Variants in KCTD19 observed in about 807,000 individuals in gnomAD.
KCTD19 encodes the protein BTB/POZ domain-containing protein KCTD19.
In KCTD19, 67 loss-of-function variants were observed where a neutral mutation model predicts 103.5. That is an observed-to-expected ratio of 0.65 (90% CI 0.53 to 0.79). The LOEUF is 0.79. Among genes scored for constraint, KCTD19 ranks in the 30% least tolerant of loss-of-function variants. The pLI, the probability that KCTD19 is intolerant of heterozygous loss-of-function variation, is 0.00. For missense variants in KCTD19, 980 were observed against 1,136.1 expected (o/e 0.86, Z 1.98); for synonymous variants, 439 against 452.2 (o/e 0.97, Z 0.37).
At chr16:67,317,836 G>A (rs2037029042) in intron 2 of KCTD19, among the ~76,000 whole-genome samples, 1 of 152,166 alleles carries the variant, frequency 6.6e-6, no homozygotes, top group South Asian at 2.1e-4. Context: ...CTGGAACCCA[G>A]AATGCTCTTC....
chr16:67,292,032 C>G (rs535965671), intron 12 of KCTD19, among the ~76,000 whole-genome samples, 195 bp from the exon 13 acceptor site: 3 of 152,262 alleles, frequency 2.0e-5, no homozygotes, highest in African/African-American at 7.2e-5. Context: ...TGCCACCACG[C>G]CCGGCTAATT....
chr16:67,301,525 GCTC>G (rs2036833969), intron 5 of KCTD19: 1 of 305,308 alleles, frequency 3.3e-6, no homozygotes, highest in African/African-American at 2.2e-5. Context: ...CCCAGGCTGG[GCTC>G]CTCCTGATCC....
In KCTD19 at chr16:67,289,545, T is replaced by A. The variant is rs374179662; in HGVS notation, c.*24A>T. 3 of 1,449,186 alleles carry A rather than the reference T, an allele frequency of 2.1e-6. No individual in the cohort carries two copies. In the East Asian group the frequency reaches 6.8e-5, roughly 33 times the overall value. The allele number at this position is 1,449,186 out of a possible 1,614,324, so 89.8% of individuals were successfully genotyped here. A position where few individuals can be genotyped will look rare whatever the true frequency, so the allele number is the denominator to read the frequency against. On this transcript the variant is annotated 3_prime_UTR_variant, in exon 16 of 16. Transcript: ENST00000304372. ...AAAATGAGACTTGGCGGGTGGGGCA[T>A]GAGGGGCTGCATCTCTGGGCACCCT...
At chr16:67,294,845 C>T in intron 10 of KCTD19, 128 bp downstream of exon 10, 2 of 953,942 alleles carry the variant, frequency 2.1e-6, no homozygotes, top group Non-Finnish European at 3.3e-6. Flanking sequence ...CTGGCCAATC[C>T]TGGGCCTGCT....
chr16:67,324,940 C>G (rs1171069511), intron 1 of KCTD19, among the ~76,000 whole-genome samples: 1 of 152,142 alleles, frequency 6.6e-6, no homozygotes, highest in Non-Finnish European at 1.5e-5. Flanking sequence ...CTTCTAAAAG[C>G]CTTTCTACAA....
intron 1 of KCTD19, among the ~76,000 whole-genome samples, chr16:67,322,924 A>G (rs978509786): frequency 1.3e-5 from 2 of 152,242 alleles, no homozygotes; most frequent in African/African-American, 2.4e-5. Context: ...TCCAAAGAAT[A>G]TATACAAATG....
chr16:67,326,557 C>T (rs560988133), intron 1 of KCTD19, 148 bp downstream of exon 1: 2 of 1,025,144 alleles, frequency 2.0e-6, no homozygotes, highest in African/African-American at 1.7e-5. Context: ...CAGAGCCAGC[C>T]CCCCAAATCC....
At chr16:67,299,932 A>G (rs1475801132) in intron 5 of KCTD19, 1 of 233,966 alleles carries the variant, frequency 4.3e-6, no homozygotes, top group East Asian at 9.9e-5. Flanking sequence ...AAGAACGGCA[A>G]CCATGGCCTG....
rs768982567 is a variant in KCTD19, at chr16:67,299,446, C to T, written c.903G>A (p.Ala301=). Residue 301 remains alanine (A), a synonymous_variant, in exon 6 of 16, where the codon GCG becomes GCA. Transcript: ENST00000304372. ...LGLLVKYPDS[A]LGQLRIESTL... is the part of the protein sequence containing the mutation. ...TGCTCTCGATGCGAAGCTGGCCCAG[C>T]GCAGAGTCCGGGTACTTGACCAGCA... 51 of 1,614,130 alleles carry T rather than the reference C, an allele frequency of 3.2e-5. No individual in the cohort carries two copies. The highest frequency in any genetic ancestry group is 3.3e-5 in the Admixed American group (2 of 60,008).
At chr16:67,307,700 G>A (rs572402251) in intron 2 of KCTD19, among the ~76,000 whole-genome samples, 6 of 152,224 alleles carry the variant, frequency 3.9e-5, no homozygotes, top group Admixed American at 2.0e-4. Context: ...GGGCTCAAGC[G>A]ATCCTCCCAT....
At chr16:67,295,883 T>C (rs539379166) in intron 8 of KCTD19, 235 of 409,894 alleles carry the variant, frequency 5.7e-4, no homozygotes, top group African/African-American at 4.3e-3. Flanking sequence ...TATCTGGGAT[T>C]ACAGGCACGT....
chr16:67,317,473 G>A (rs60130058), intron 2 of KCTD19, among the ~76,000 whole-genome samples: 365 of 150,040 alleles, frequency 2.4e-3, no homozygotes, highest in African/African-American at 8.6e-3. Context: ...GTGAGACTCT[G>A]TCTCCAAAAG....
At chr16:67,305,520 G>A in intron 2 of KCTD19, 1 of 437,458 alleles carries the variant, frequency 2.3e-6, no homozygotes, top group South Asian at 1.6e-5. Flanking sequence ...GGTGGGCTGA[G>A]GCTGGAGTGG....
chr16:67,294,874 G>A (rs1014381448), intron 10 of KCTD19, 99 bp downstream of exon 10: 3 of 1,096,276 alleles, frequency 2.7e-6, no homozygotes, highest in Non-Finnish European at 4.1e-6. Flanking sequence ...TCAACCCCAA[G>A]GAGATCAGGA....
At chr16:67,294,820 G>C in intron 10 of KCTD19, 126 bp from the exon 11 acceptor site, 2 of 940,124 alleles carry the variant, frequency 2.1e-6, no homozygotes, top group Non-Finnish European at 3.4e-6. Context: ...CTCTTAAAGG[G>C]TTTTGCCTAG....
chr16:67,299,435 A>C lies in KCTD19; in HGVS notation c.914T>G (p.Leu305Arg). Residue 305 changes from leucine to arginine, a missense_variant, in exon 6 of 16, where the codon CTT becomes CGT. Coordinates refer to ENST00000304372, the MANE Select transcript of KCTD19 (RefSeq NM_001100915.3). The part of the protein sequence containing the change: ...VKYPDSALGQ[L>R]RIESTLDGSR... ...TCCGTCTAGCGTGCTCTCGATGCGA[A>C]GCTGGCCCAGCGCAGAGTCCGGGTA... 6.2e-7 allele frequency: 1 copy of C among 1,614,262 alleles called. No individual in the cohort carries two copies. The highest frequency in any genetic ancestry group is 1.7e-5 in the Admixed American group (1 of 60,030).
rs1567445994 is a variant in KCTD19, at chr16:67,290,960, A to G, written c.2592T>C (p.Phe864=). Residue 864 remains phenylalanine (F), a synonymous_variant, in exon 15 of 16, where the codon TTT becomes TTC. Transcript: ENST00000304372. ...LWTLHISPKQ[F]VVDLLAITGF... is the part of the protein sequence containing the mutation. ...CGGTGATGGCCAGCAAATCTACCAC[A>G]AACTGCTTGGGGCTGATGTGCAGGG... 1 of 1,614,028 alleles carries G rather than the reference A, an allele frequency of 6.2e-7. No individual in the cohort carries two copies. Among genetic ancestry groups the G allele is most frequent in the Non-Finnish European group, 8.5e-7 (1 of 1,180,014 alleles).
rs771789709 is a variant in KCTD19, at chr16:67,297,588, G to A, written c.1062C>T (p.Asp354=). 1.9e-6 allele frequency: 3 copies of A among 1,613,958 alleles called. No individual in the cohort carries two copies. Among genetic ancestry groups the A allele is most frequent in the Admixed American group, 3.3e-5 (2 of 59,984 alleles). The change falls in exon 7 of 16, where the codon GAC becomes GAT. Residue 354 remains aspartate (D), a synonymous_variant. Transcript: ENST00000304372. ...SEVYELCAFL[D]KRDITYEPIK... ...TTGGCTCGTAGGTGATGTCCCTTTT[G>A]TCTAGGAAGGCACAGAGCTCATATA...
intron 2 of KCTD19, among the ~76,000 whole-genome samples, chr16:67,308,660 A>G (rs980029860): frequency 6.8e-6 from 1 of 146,918 alleles, no homozygotes; most frequent in Non-Finnish European, 1.5e-5. Flanking sequence ...CTGAGCCAGA[A>G]TGGGTCATCC....
Sources: allele counts gnomAD v4.1 joint callset (sites outside exome capture counted in the v4.1 genomes callset), GRCh38; gene constraint gnomAD v4.1.1; transcripts MANE v1.5; gene names NCBI Gene and HGNC (gene_info 2026-07-23, HGNC 2026-07-21).